Variants in SLC9A9 observed in about 807,000 individuals in gnomAD.
SLC9A9 encodes sodium/hydrogen exchanger 9.
SLC9A9 carries 62 observed loss-of-function variants against 77.8 expected under a neutral mutation model. The observed-to-expected ratio is 0.80, with a 90% CI of 0.65 to 0.98. The LOEUF (loss-of-function observed/expected upper bound fraction) is 0.98, where lower values mean the gene tolerates loss of function less well. Ranked by LOEUF, SLC9A9 falls within the 50% of genes least tolerant of loss-of-function variation. SLC9A9 has a pLI of 0.00. For synonymous variants in SLC9A9, 320 were observed against 283.5 expected (o/e 1.13, Z -1.29); for missense variants, 775 against 774.9 (o/e 1.00, Z 0.00).
intron 14 of SLC9A9, among the ~76,000 whole-genome samples, chr3:143,306,415 T>G (rs1305293405): frequency 6.6e-6 from 1 of 152,222 alleles, no homozygotes; most frequent in Non-Finnish European, 1.5e-5. Flanking sequence ...GAATCTATCC[T>G]CTAGAACTGC....
intron 12 of SLC9A9, among the ~76,000 whole-genome samples, chr3:143,404,077 T>G (rs188337673): frequency 6.6e-6 from 1 of 152,158 alleles, no homozygotes; most frequent in African/African-American, 2.4e-5. Flanking sequence ...TATTTCTTTT[T>G]CTAGCTCAAA....
intron 6 of SLC9A9, among the ~76,000 whole-genome samples, chr3:143,606,426 C>CTATATATATATA (rs1341835201): frequency 1.4e-5 from 1 of 73,978 alleles, no homozygotes; most frequent in Non-Finnish European, 2.7e-5. Flanking sequence ...CTCTCTCTCT[C>CTATATATATATA]TCTCTCTCTC....
chr3:143,574,483 C>A (rs567761833), intron 7 of SLC9A9, among the ~76,000 whole-genome samples: 1 of 152,164 alleles, frequency 6.6e-6, no homozygotes, highest in East Asian at 1.9e-4. Context: ...CTAGCCTCAT[C>A]CCTTGGGATG....
intron 6 of SLC9A9, among the ~76,000 whole-genome samples, chr3:143,594,716 T>G (rs1346729663): frequency 6.6e-6 from 1 of 152,138 alleles, no homozygotes; most frequent in Non-Finnish European, 1.5e-5. Flanking sequence ...TAGTTTAACT[T>G]GTATCTGCAC....
At chr3:143,820,108 A>G (rs1413583352) in intron 2 of SLC9A9, among the ~76,000 whole-genome samples, 1 of 152,216 alleles carries the variant, frequency 6.6e-6, no homozygotes, top group Non-Finnish European at 1.5e-5. Context: ...CTCATTTGCA[A>G]TTCACAATAG....
intron 12 of SLC9A9, among the ~76,000 whole-genome samples, chr3:143,428,218 A>G (rs943755941): frequency 5.9e-5 from 9 of 152,060 alleles, no homozygotes; most frequent in African/African-American, 2.2e-4. Context: ...GGAATTCAGA[A>G]CACTCAATAG....
At chr3:143,627,685 T>C (rs1346178206) in intron 6 of SLC9A9, 3 of 166,006 alleles carry the variant, frequency 1.8e-5, no homozygotes, top group East Asian at 3.3e-4. Context: ...CCAACACCAG[T>C]TGAGAACTGA....
At chr3:143,546,244 G>T (rs1172598312) in intron 9 of SLC9A9, among the ~76,000 whole-genome samples, 2 of 152,078 alleles carry the variant, frequency 1.3e-5, no homozygotes, top group African/African-American at 4.8e-5. Context: ...ATTTAAATTT[G>T]GATTTGCATT....
At chr3:143,562,237 A>G (rs564459061) in intron 8 of SLC9A9, among the ~76,000 whole-genome samples, 2 of 152,340 alleles carry the variant, frequency 1.3e-5, no homozygotes, top group South Asian at 2.1e-4. Context: ...ATAGTGGGTG[A>G]TAACAAAGGA....
chr3:143,785,845 CTTTTTTTTTTTTTTT>C (rs57552730), intron 4 of SLC9A9, among the ~76,000 whole-genome samples: 6 of 113,004 alleles, frequency 5.3e-5, no homozygotes, highest in African/African-American at 1.8e-4. Flanking sequence ...TTGAATTTTT[CTTTTTTTTTTTTTTT>C]TTTTTTTTTT....
At chr3:143,354,863 C>T (rs1247490646) in intron 14 of SLC9A9, among the ~76,000 whole-genome samples, 1 of 152,150 alleles carries the variant, frequency 6.6e-6, no homozygotes, top group Admixed American at 6.5e-5. Context: ...CATGGCTTCA[C>T]CTGAAAGGTG....
rs186180961 is a variant in SLC9A9 at position 143,701,230 on chromosome 3, G to C, written c.534-7923C>G. On this transcript the variant is annotated intron_variant, in intron 4 of 15. Transcript: ENST00000316549. ...CAAAGACTACAATAAATAGCCAACT[G>C]TTAAATGCCCAGACAAAGACAAACA... Among the ~76,000 whole-genome samples, 42 of 152,224 alleles carry C rather than the reference G, an allele frequency of 2.8e-4. 1 individual carries two copies. The East Asian group carries it at 8.1e-3, about 29-fold the overall frequency.
chr3:143,781,848 A>G (rs935771420), intron 4 of SLC9A9, among the ~76,000 whole-genome samples: 3 of 152,238 alleles, frequency 2.0e-5, no homozygotes, highest in African/African-American at 7.2e-5. Flanking sequence ...CTCATGGAGT[A>G]GGAATGAGTA....
intron 6 of SLC9A9, among the ~76,000 whole-genome samples, chr3:143,637,302 T>C (rs1447842122): frequency 2.0e-5 from 3 of 152,050 alleles, no homozygotes; most frequent in Non-Finnish European, 4.4e-5. Context: ...AGCACAAAAC[T>C]CTGGAAATGA....
chr3:143,809,973 G>GGT (rs2108871006), intron 2 of SLC9A9, among the ~76,000 whole-genome samples: 2 of 152,222 alleles, frequency 1.3e-5, no homozygotes, highest in African/African-American at 4.8e-5. Context: ...TACTACAAAA[G>GGT]GTGTGACTAA....
chr3:143,757,162 C>G (rs1414211855), intron 4 of SLC9A9, among the ~76,000 whole-genome samples: 1 of 152,058 alleles, frequency 6.6e-6, no homozygotes, highest in Admixed American at 6.6e-5. Flanking sequence ...ATTCACAACT[C>G]AAACCAATAC....
chr3:143,638,137 G>A (rs1161040570), intron 6 of SLC9A9, among the ~76,000 whole-genome samples: 1 of 152,178 alleles, frequency 6.6e-6, no homozygotes. Flanking sequence ...AAAGTAGGCG[G>A]GTGAGAATGG....
intron 4 of SLC9A9, among the ~76,000 whole-genome samples, chr3:143,742,679 G>A (rs1389825693): frequency 1.3e-5 from 2 of 152,036 alleles, no homozygotes; most frequent in Non-Finnish European, 2.9e-5. Flanking sequence ...AGAACACTAG[G>A]TAAAAACTAG....
intron 5 of SLC9A9, among the ~76,000 whole-genome samples, chr3:143,690,107 C>T (rs1001851395): frequency 1.2e-4 from 18 of 151,782 alleles, no homozygotes; most frequent in African/African-American, 4.3e-4. Flanking sequence ...TGGGATATAT[C>T]CAAAGGCTAA....
Sources: gnomAD v4.1 joint callset for allele counts (sites outside exome capture counted in the v4.1 genomes callset) on GRCh38, gnomAD v4.1.1 for gene constraint, MANE v1.5 for transcripts, NCBI Gene and HGNC (gene_info 2026-07-23, HGNC 2026-07-21) for gene names.